C7orf78: variants seen among roughly 807,000 people sequenced by gnomAD.
C7orf78 encodes the protein chromosome 7 open reading frame 78, also known as putative uncharacterized protein C7orf78.
At chr7:12,506,448 A>G in the C7orf78 span, among the ~76,000 whole-genome samples, 33 of 152,344 alleles carry the variant, frequency 2.2e-4, no homozygotes, top group East Asian at 6.4e-3. Flanking sequence ...ACACCATGAA[A>G]TACTATGCAG....
chr7:12,531,583 C>T, the C7orf78 span, among the ~76,000 whole-genome samples: 4 of 151,990 alleles, frequency 2.6e-5, no homozygotes, highest in Non-Finnish European at 5.9e-5. Flanking sequence ...CTTCTTGATT[C>T]AATTATTACT....
the C7orf78 span, among the ~76,000 whole-genome samples, chr7:12,488,471 G>A: frequency 4.7e-4 from 71 of 152,160 alleles, no homozygotes; most frequent in Non-Finnish European, 9.1e-4. Context: ...TTTTAGAATA[G>A]TTATTGGAAA....
chr7:12,500,622 T>A, the C7orf78 span, among the ~76,000 whole-genome samples: 1 of 151,818 alleles, frequency 6.6e-6, no homozygotes, highest in African/African-American at 2.4e-5. Context: ...CAGGACCAGA[T>A]GGATTCACAG....
chr7:12,521,644 CT>C, the C7orf78 span, among the ~76,000 whole-genome samples: 9,644 of 124,698 alleles, frequency 0.077, 409 homozygotes, highest in African/African-American at 0.14. Flanking sequence ...TGGGTTTGGG[CT>C]TTTTTTTTTT....
chr7:12,525,896 T>G, the C7orf78 span: 7 of 396,898 alleles, frequency 1.8e-5, no homozygotes, highest in South Asian at 7.7e-4. Context: ...TCACAACACT[T>G]AAGTACAGGT....
At chr7:12,519,173 T>G in the C7orf78 span, among the ~76,000 whole-genome samples, 1 of 151,864 alleles carries the variant, frequency 6.6e-6, no homozygotes. Flanking sequence ...CCCAAACATG[T>G]AGCTCTCAGA....
At chr7:12,524,895 C>T in the C7orf78 span, among the ~76,000 whole-genome samples, 3 of 151,900 alleles carry the variant, frequency 2.0e-5, no homozygotes, top group Non-Finnish European at 2.9e-5. Context: ...ATAAAATTCA[C>T]GGAATAAGGA....
chr7:12,525,083 T>G, the C7orf78 span, among the ~76,000 whole-genome samples: 1 of 152,132 alleles, frequency 6.6e-6, no homozygotes, highest in Non-Finnish European at 1.5e-5. Context: ...AATCTTGTAT[T>G]AGAGAATCTC....
At chr7:12,527,317 T>C in the C7orf78 span, among the ~76,000 whole-genome samples, 2 of 128,944 alleles carry the variant, frequency 1.6e-5, no homozygotes, top group East Asian at 5.1e-4. Context: ...AGCTGTGTAA[T>C]TGAAATGGAA....
At chr7:12,503,471 G>A in the C7orf78 span, among the ~76,000 whole-genome samples, 1 of 151,956 alleles carries the variant, frequency 6.6e-6, no homozygotes, top group Non-Finnish European at 1.5e-5. Flanking sequence ...TATGGGAAGG[G>A]GAAAAAGTTG....
chr7:12,495,316 T>C, the C7orf78 span, among the ~76,000 whole-genome samples: 1 of 152,210 alleles, frequency 6.6e-6, no homozygotes, highest in African/African-American at 2.4e-5. Context: ...CTTTCAAGGA[T>C]TAAATTCAGG....
At chr7:12,517,347 A>G in the C7orf78 span, among the ~76,000 whole-genome samples, 2 of 152,162 alleles carry the variant, frequency 1.3e-5, no homozygotes, top group African/African-American at 4.8e-5. Flanking sequence ...TGTAAGTCCA[A>G]TTAAACCTCT....
chr7:12,515,761 T>C, the C7orf78 span, among the ~76,000 whole-genome samples: 4 of 152,188 alleles, frequency 2.6e-5, no homozygotes, highest in Non-Finnish European at 5.9e-5. Context: ...TGTTTTGTTT[T>C]AGCAAAGAGA....
the C7orf78 span, among the ~76,000 whole-genome samples, chr7:12,507,972 A>C: frequency 1.3e-5 from 2 of 152,216 alleles, no homozygotes; most frequent in African/African-American, 4.8e-5. Context: ...TGTTACAAAA[A>C]GTACTCACTC....
At chr7:12,498,418 C>G in the C7orf78 span, among the ~76,000 whole-genome samples, 3 of 150,520 alleles carry the variant, frequency 2.0e-5, no homozygotes, top group African/African-American at 7.3e-5. Flanking sequence ...AACCAAGGCT[C>G]GAGAACTACG....
the C7orf78 span, among the ~76,000 whole-genome samples, chr7:12,516,621 G>A: frequency 6.6e-6 from 1 of 152,226 alleles, no homozygotes; most frequent in South Asian, 2.1e-4. Context: ...CGTGAAAGCA[G>A]CTGGGAGGAA....
chr7:12,489,781 A>G, the C7orf78 span, among the ~76,000 whole-genome samples: 4 of 152,156 alleles, frequency 2.6e-5, no homozygotes, highest in Non-Finnish European at 5.9e-5. Flanking sequence ...AGAGATATGG[A>G]TAGGACCAAT....
the C7orf78 span, among the ~76,000 whole-genome samples, chr7:12,507,980 C>T: frequency 6.6e-6 from 1 of 152,150 alleles, no homozygotes; most frequent in Admixed American, 6.5e-5. Flanking sequence ...AAAGTACTCA[C>T]TCTCTTCTTT....
the C7orf78 span, among the ~76,000 whole-genome samples, chr7:12,501,184 C>G: frequency 7.3e-6 from 1 of 136,646 alleles, no homozygotes; most frequent in South Asian, 2.5e-4. Context: ...ACAGGGATGT[C>G]CTCTCTCACC....
Sources: gnomAD v4.1 joint callset for allele counts (sites outside exome capture counted in the v4.1 genomes callset) on GRCh38, gnomAD v4.1.1 for gene constraint, MANE v1.5 for transcripts, NCBI Gene and HGNC (gene_info 2026-07-23, HGNC 2026-07-21) for gene names.